PRMT9: variants seen among roughly 807,000 people sequenced by gnomAD.
PRMT9 encodes the protein protein arginine N-methyltransferase 9.
PRMT9 carries 59 observed loss-of-function variants against 83.2 expected under a neutral mutation model. That is an observed-to-expected ratio of 0.71 (90% CI 0.57 to 0.88). The LOEUF is 0.88. Ranked by LOEUF, PRMT9 falls within the 40% of genes least tolerant of loss-of-function variation. The pLI, the probability that PRMT9 is intolerant of heterozygous loss-of-function variation, is 0.00. For missense variants in PRMT9, 947 were observed against 1,021.9 expected (o/e 0.93, Z 1.00); for synonymous variants, 333 against 353.2 (o/e 0.94, Z 0.64).
intron 7 of PRMT9, among the ~76,000 whole-genome samples, chr4:147,658,178 T>G (rs1734669903): frequency 6.6e-6 from 1 of 151,354 alleles, no homozygotes; most frequent in Non-Finnish European, 1.5e-5. Context: ...CAGCTATTAT[T>G]AAAAAGAATG....
intron 4 of PRMT9, 70 bp downstream of exon 4, chr4:147,672,889 G>T: frequency 7.6e-7 from 1 of 1,324,376 alleles, no homozygotes; most frequent in South Asian, 1.2e-5. Context: ...TGGACTAAAA[G>T]CTAGAAATAT....
chr4:147,660,864 T>G lies in PRMT9; in HGVS notation c.1128A>C (p.Val376=). The G allele has an allele frequency of 6.2e-7, 1 of 1,612,614 alleles. No homozygotes were observed. Among genetic ancestry groups the G allele is most frequent in the South Asian group, 1.1e-5 (1 of 91,014 alleles). Residue 376 remains valine, a synonymous_variant, in exon 7 of 12, where the codon GTA becomes GTC. Transcript: ENST00000322396. ...ALTECFEIMT[V]DFNNLQELKS... Reference sequence around the variant, plus strand: ...TTTTCACCTGAAGGTTGTTGAAATCTACTGTCATAATTTCAAAGCACTCTG... The same window carrying G: ...TTTTCACCTGAAGGTTGTTGAAATCGACTGTCATAATTTCAAAGCACTCTG...
Position 147,654,187 on chromosome 4 carries a change from T to C in PRMT9, c.1710A>G (p.Gly570=). ...HCQNEMSSGT[G]QSNTVQNILE... The stretch of plus-strand genomic sequence containing the variant: ...GGATGTTCTGTACAGTATTACTCTG[T>C]CCAGTTCCAGAGCTCATCTCATTCT... Residue 570 remains glycine (G), a synonymous_variant, in exon 9 of 12, where the codon GGA becomes GGG. Transcript: ENST00000322396. 8 of 1,614,232 alleles carry C rather than the reference T, an allele frequency of 5.0e-6. No homozygotes were observed. Among genetic ancestry groups the C allele is most frequent in the Non-Finnish European group, 6.8e-6 (8 of 1,180,030 alleles).
chr4:147,644,137 T>C (rs1401140517), intron 9 of PRMT9, among the ~76,000 whole-genome samples: 1 of 152,116 alleles, frequency 6.6e-6, no homozygotes, highest in African/African-American at 2.4e-5. Flanking sequence ...ATTATATCAG[T>C]GAATGTCCTA....
chr4:147,643,283 A>G (rs901142059), intron 9 of PRMT9, among the ~76,000 whole-genome samples: 12 of 152,134 alleles, frequency 7.9e-5, no homozygotes, highest in African/African-American at 2.9e-4. Flanking sequence ...TCATAAAATA[A>G]AACAAAAAAA....
chr4:147,648,151 A>G (rs1238238142), intron 9 of PRMT9, among the ~76,000 whole-genome samples: 1 of 152,156 alleles, frequency 6.6e-6, no homozygotes, highest in Non-Finnish European at 1.5e-5. Context: ...TGGTAAGAGT[A>G]TCTTCTGTAT....
Position 147,680,454 on chromosome 4 carries a change from T to C in PRMT9, c.207A>G (p.Thr69=), listed in dbSNP as rs1736389166. The C allele has an allele frequency of 6.2e-7, 1 of 1,613,874 alleles. No homozygotes were observed. The highest frequency in any genetic ancestry group is 8.5e-7 in the Non-Finnish European group (1 of 1,179,808). The part of the protein sequence containing the change: ...KHDVKETFQY[T]LFRWAEELDA... ...CAAGCTCTTCAGCCCATCTGAAAAG[T>C]GTGTACTGAAAAGTTTCCTTTACAA... The change falls in exon 2 of 12, where the codon ACA becomes ACG. Residue 69 remains threonine, a synonymous_variant. Transcript: ENST00000322396.
rs368438347 is a variant in PRMT9 at position 147,654,194 on chromosome 4, C to T, written c.1703G>A (p.Gly568Glu). 2.7e-5 allele frequency: 43 copies of T among 1,614,030 alleles called. No individual in the cohort carries two copies. The highest frequency in any genetic ancestry group is 3.6e-5 in the Non-Finnish European group (43 of 1,180,012). The stretch of plus-strand genomic sequence containing the variant: ...CTGTACAGTATTACTCTGTCCAGTT[C>T]CAGAGCTCATCTCATTCTGACAGTG... ...DTHCQNEMSSGTGQSNTVQNI... is the reference protein window; with the variant it reads ...DTHCQNEMSSETGQSNTVQNI... Residue 568 changes from glycine (G) to glutamate (E), a missense_variant, in exon 9 of 12, where the codon GGA becomes GAA. Coordinates refer to ENST00000322396, the MANE Select transcript of PRMT9 (RefSeq NM_138364.4).
intron 7 of PRMT9, 36 bp from the exon 8 acceptor site, chr4:147,658,011 A>G (rs1734657589): frequency 6.0e-6 from 8 of 1,333,386 alleles, no homozygotes; most frequent in Non-Finnish European, 7.4e-6. Context: ...ACGGTTTTAT[A>G]TATTTCATAT....
chr4:147,654,257 G>A lies in PRMT9; in HGVS notation c.1640C>T (p.Ser547Leu). The A allele has an allele frequency of 2.5e-6, 4 of 1,614,196 alleles. No individual in the cohort carries two copies. Among genetic ancestry groups the A allele is most frequent in the Non-Finnish European group, 3.4e-6 (4 of 1,180,036 alleles). Residue 547 changes from serine (S) to leucine (L), a missense_variant, in exon 9 of 12, where the codon TCA becomes TTA. Ser to Leu is a moderately radical substitution (Grantham distance 145). Transcript: ENST00000322396. ...CTGATACAGTTTCTCTGGAGTCAGTGAAGACAAAACTTTGCTCATTGCCAT... is the reference window on the plus strand; with the variant it reads ...CTGATACAGTTTCTCTGGAGTCAGTAAAGACAAAACTTTGCTCATTGCCAT... Reference protein sequence around the residue: ...FKMAMSKVLSSLTPEKLYQTM... With the variant: ...FKMAMSKVLSLLTPEKLYQTM...
rs1466692094 is a variant in PRMT9, at chr4:147,660,847, T to C, written c.1145A>G (p.Gln382Arg). 1 of 1,608,644 alleles carries C rather than the reference T, an allele frequency of 6.2e-7. No homozygotes were observed. The highest frequency in any genetic ancestry group is 8.5e-7 in the Non-Finnish European group (1 of 1,175,118). ...AAATAGTAACTGAATTTTTTTCACC[T>C]GAAGGTTGTTGAAATCTACTGTCAT... ...EIMTVDFNNL[Q>R]ELKSLATKKP... The change falls in exon 7 of 12, where the codon CAG (glutamine) becomes CGG (arginine). Residue 382 changes from glutamine (Q) to arginine (R), a missense_variant and splice_region_variant. Physicochemically the swap from Gln to Arg is conservative, Grantham distance 43 (BLOSUM62 1). Transcript: ENST00000322396.
At chr4:147,648,765 G>A (rs1733901655) in intron 9 of PRMT9, among the ~76,000 whole-genome samples, 1 of 152,068 alleles carries the variant, frequency 6.6e-6, no homozygotes, top group Non-Finnish European at 1.5e-5. Context: ...TGTTATGTAT[G>A]CTTGCAATTT....
chr4:147,664,127 C>G (rs1735159609), intron 6 of PRMT9, among the ~76,000 whole-genome samples: 1 of 152,048 alleles, frequency 6.6e-6, no homozygotes, highest in African/African-American at 2.4e-5. Flanking sequence ...AGCAAGACAG[C>G]AAGACCCTGT....
intron 10 of PRMT9, among the ~76,000 whole-genome samples, chr4:147,640,979 C>G (rs1050628159): frequency 6.6e-6 from 1 of 152,164 alleles, no homozygotes; most frequent in South Asian, 2.1e-4. Flanking sequence ...TCCCAAAGTG[C>G]TGGGAATTCA....
At chr4:147,667,098 A>G (rs1357902963) in intron 6 of PRMT9, among the ~76,000 whole-genome samples, 1 of 152,232 alleles carries the variant, frequency 6.6e-6, no homozygotes, top group Non-Finnish European at 1.5e-5. Context: ...TGTTACAGCA[A>G]GAAATCTCAG....
intron 9 of PRMT9, among the ~76,000 whole-genome samples, chr4:147,648,024 G>A (rs143439484): frequency 5.0e-4 from 76 of 152,222 alleles, no homozygotes; most frequent in African/African-American, 1.8e-3. Flanking sequence ...AGGAATAGCC[G>A]AATATAAAGT....
intron 10 of PRMT9, among the ~76,000 whole-genome samples, chr4:147,640,738 G>A (rs1374876058): frequency 6.6e-6 from 1 of 152,004 alleles, no homozygotes; most frequent in African/African-American, 2.4e-5. Context: ...TTTATTTTTA[G>A]AGACAGGGTC....
chr4:147,674,239 CT>C (rs1372672238), intron 2 of PRMT9, among the ~76,000 whole-genome samples: 1 of 152,172 alleles, frequency 6.6e-6, no homozygotes, highest in Non-Finnish European at 1.5e-5. Flanking sequence ...GCCGGCATGC[CT>C]TTTGTCTCAG....
At chr4:147,640,947 A>T (rs915383020) in intron 10 of PRMT9, among the ~76,000 whole-genome samples, 1 of 152,094 alleles carries the variant, frequency 6.6e-6, no homozygotes, top group Non-Finnish European at 1.5e-5. Flanking sequence ...TCCTGGGCCC[A>T]AGCAATCCTC....
Sources: allele counts gnomAD v4.1 joint callset (sites outside exome capture counted in the v4.1 genomes callset), GRCh38; gene constraint gnomAD v4.1.1; transcripts MANE v1.5; gene names NCBI Gene and HGNC (gene_info 2026-07-23, HGNC 2026-07-21).